CAMK1D: variants seen among roughly 807,000 people sequenced by gnomAD.
CAMK1D encodes the protein calcium/calmodulin-dependent protein kinase type 1D.
A neutral mutation model predicts 47.7 loss-of-function variants in CAMK1D; 9 were observed. The ratio of observed to expected loss-of-function variants is 0.19; its 90% CI spans 0.11 to 0.33. The LOEUF is 0.33. CAMK1D is among the 10% of genes least tolerant of loss of function. CAMK1D has a pLI of 1.00. For synonymous variants in CAMK1D, 184 were observed against 184.9 expected (o/e 0.99, Z 0.04); for missense variants, 291 against 488.7 (o/e 0.60, Z 3.81).
chr10:12,610,214 G>T (rs1838579422), intron 2 of CAMK1D, among the ~76,000 whole-genome samples: 3 of 152,194 alleles, frequency 2.0e-5, no homozygotes, highest in Admixed American at 6.5e-5. Flanking sequence ...TCCAGAGCAT[G>T]CCTGAAACAG....
intron 2 of CAMK1D, among the ~76,000 whole-genome samples, chr10:12,570,483 A>G (rs1837289448): frequency 6.6e-6 from 1 of 152,032 alleles, no homozygotes; most frequent in African/African-American, 2.4e-5. Flanking sequence ...GTTTGAGACC[A>G]GGCTGGCCAA....
intron 5 of CAMK1D, among the ~76,000 whole-genome samples, chr10:12,782,992 TTTTG>T (rs1236832142): frequency 0.016 from 1,488 of 94,252 alleles, 27 homozygotes; most frequent in African/African-American, 0.032. Context: ...TTTTTTTTTT[TTTTG>T]TTTTTTTTTT....
At chr10:12,498,831 G>A (rs1467638668) in intron 1 of CAMK1D, among the ~76,000 whole-genome samples, 1 of 152,124 alleles carries the variant, frequency 6.6e-6, no homozygotes, top group Non-Finnish European at 1.5e-5. Flanking sequence ...AAACTTGTTG[G>A]GGGTTCAATT....
At position 12,786,545 on chromosome 10, in the gene CAMK1D, T is replaced by C. The variant is rs185698210; in HGVS notation, c.566-4613T>C. ...CAAAGCAGAAATCTTATGTATTTTTTTATTTGTTTGTTTGTTTGTTTATTT... is the reference window on the plus strand; with the variant it reads ...CAAAGCAGAAATCTTATGTATTTTTCTATTTGTTTGTTTGTTTGTTTATTT... On this transcript the variant is annotated intron_variant, in intron 5 of 10. Coordinates refer to ENST00000619168, the MANE Select transcript of CAMK1D (RefSeq NM_153498.4). 7.0e-4 allele frequency among the ~76,000 whole-genome samples: 106 copies of C among 152,332 alleles called. 2 individuals are homozygous for C. The highest frequency in any genetic ancestry group is 2.5e-3 in the African/African-American group (103 of 41,556).
chr10:12,588,886 G>A (rs756344848), intron 2 of CAMK1D, among the ~76,000 whole-genome samples: 2 of 130,712 alleles, frequency 1.5e-5, no homozygotes, highest in Non-Finnish European at 3.2e-5. Flanking sequence ...GTGTGTGTGC[G>A]TGCGTGTGTG....
At chr10:12,701,292 A>G (rs1448461857) in intron 3 of CAMK1D, among the ~76,000 whole-genome samples, 1 of 152,170 alleles carries the variant, frequency 6.6e-6, no homozygotes, top group Non-Finnish European at 1.5e-5. Flanking sequence ...TTTTACTTCC[A>G]ATGGCTTATT....
chr10:12,678,124 T>A (rs1554808800), intron 3 of CAMK1D, among the ~76,000 whole-genome samples: 2 of 152,246 alleles, frequency 1.3e-5, no homozygotes, highest in Non-Finnish European at 2.9e-5. Context: ...GTCTTCTTTT[T>A]TAATGTAAGC....
chr10:12,756,119 C>T (rs1836217176), intron 3 of CAMK1D, among the ~76,000 whole-genome samples: 1 of 152,182 alleles, frequency 6.6e-6, no homozygotes, highest in Admixed American at 6.5e-5. Context: ...ACTGTTTGGC[C>T]TTCTTCATAT....
intron 3 of CAMK1D, among the ~76,000 whole-genome samples, chr10:12,681,381 C>T (rs1228783500): frequency 1.3e-5 from 2 of 152,272 alleles, no homozygotes; most frequent in Non-Finnish European, 2.9e-5. Context: ...CTCCTGCTGG[C>T]ATGGTTCCTT....
rs548701026 is a variant in CAMK1D, at chr10:12,543,615, A to G, written c.93-9610A>G. 3.5e-4 allele frequency among the ~76,000 whole-genome samples: 53 copies of G among 152,306 alleles called. 1 individual carries two copies. Among genetic ancestry groups the G allele is most frequent in the Middle Eastern group, 6.8e-3 (2 of 294 alleles). On this transcript the variant is annotated intron_variant, in intron 1 of 10. Transcript: ENST00000619168. ...TGGTAGGTACATGTCTATCTAAAGCACAGGAGAAGGATAAAAAACCAGTTC... is the reference window on the plus strand; with the variant it reads ...TGGTAGGTACATGTCTATCTAAAGCGCAGGAGAAGGATAAAAAACCAGTTC...
rs910579665 is a variant in CAMK1D at position 12,557,409 on chromosome 10, G to A, written c.224+4053G>A. Among the ~76,000 whole-genome samples, 4 of 151,902 alleles carry A rather than the reference G, an allele frequency of 2.6e-5. No individual in the cohort carries two copies. In the South Asian group the frequency reaches 6.3e-4, roughly 24 times the overall value. ...CTAAAAATACACAAAAAAATTGGCC[G>A]GGTATGGTGGTGGGCGCCTGTAGTC... On this transcript the variant is annotated intron_variant, in intron 2 of 10. Coordinates refer to ENST00000619168, the MANE Select transcript of CAMK1D (RefSeq NM_153498.4).
At chr10:12,715,103 C>A (rs1056251964) in intron 3 of CAMK1D, among the ~76,000 whole-genome samples, 4 of 152,150 alleles carry the variant, frequency 2.6e-5, no homozygotes, top group African/African-American at 7.2e-5. Flanking sequence ...CTCAGACGCC[C>A]CCTACACCCT....
chr10:12,658,447 T>G (rs1840181332), intron 2 of CAMK1D, among the ~76,000 whole-genome samples: 1 of 151,932 alleles, frequency 6.6e-6, no homozygotes, highest in African/African-American at 2.4e-5. Flanking sequence ...GGGAAGTGCT[T>G]GGGAAAGGGA....
intron 1 of CAMK1D, among the ~76,000 whole-genome samples, chr10:12,488,785 T>G (rs1034164327): frequency 1.3e-5 from 2 of 152,052 alleles, no homozygotes; most frequent in African/African-American, 4.8e-5. Context: ...CAGTTCACAA[T>G]AGGGTTCATA....
chr10:12,786,067 A>G (rs1178428368), intron 5 of CAMK1D, among the ~76,000 whole-genome samples: 1 of 152,152 alleles, frequency 6.6e-6, no homozygotes, highest in Non-Finnish European at 1.5e-5. Context: ...ATTTGAAGTG[A>G]TCTTGGTGGG....
rs1833423539 is a variant in CAMK1D, at chr10:12,831,807, A to G, written c.*2920A>G. 1 of 152,176 alleles carries G rather than the reference A, an allele frequency of 6.6e-6. No homozygotes were observed. The highest frequency in any genetic ancestry group is 1.9e-4 in the East Asian group (1 of 5,192). The allele number at this position is 152,176 out of a possible 1,614,324, so 9.4% of individuals were successfully genotyped here. A position where few individuals can be genotyped will look rare whatever the true frequency, so the allele number is the denominator to read the frequency against. Reference sequence around the variant, plus strand: ...AAAGAGAGGCGCTCTTGTGCTTTTGAGAGAGCTCTCATGTTAAAAAGAGGT... The same window carrying G: ...AAAGAGAGGCGCTCTTGTGCTTTTGGGAGAGCTCTCATGTTAAAAAGAGGT... On this transcript the variant is annotated 3_prime_UTR_variant, in exon 11 of 11. Transcript: ENST00000619168.
At chr10:12,573,881 A>G (rs1260726332) in intron 2 of CAMK1D, among the ~76,000 whole-genome samples, 11 of 116,860 alleles carry the variant, frequency 9.4e-5, no homozygotes, top group South Asian at 8.6e-4. Flanking sequence ...TCACTCTGCT[A>G]CCCAGATTGG....
chr10:12,569,873 T>G (rs1033734954), intron 2 of CAMK1D, among the ~76,000 whole-genome samples: 1 of 151,862 alleles, frequency 6.6e-6, no homozygotes, highest in South Asian at 2.1e-4. Flanking sequence ...TCCCGTAGGT[T>G]CAAGACTCTA....
intron 6 of CAMK1D, among the ~76,000 whole-genome samples, chr10:12,802,329 C>G (rs568464750): frequency 6.6e-6 from 1 of 152,118 alleles, no homozygotes; most frequent in African/African-American, 2.4e-5. Flanking sequence ...GGGAGCATAG[C>G]GCTGAAAAAG....
Sources: allele counts gnomAD v4.1 joint callset (sites outside exome capture counted in the v4.1 genomes callset), GRCh38; gene constraint gnomAD v4.1.1; transcripts MANE v1.5; gene names NCBI Gene and HGNC (gene_info 2026-07-23, HGNC 2026-07-21).